TJP1: variants seen among roughly 807,000 people sequenced by gnomAD.
TJP1 encodes the protein tight junction protein ZO-1.
In TJP1, 43 loss-of-function variants were observed where a neutral mutation model predicts 194.2. The ratio of observed to expected loss-of-function variants is 0.22; its 90% CI spans 0.17 to 0.29. The LOEUF (loss-of-function observed/expected upper bound fraction) is 0.29. Among genes scored for constraint, TJP1 ranks in the 10% least tolerant of loss-of-function variants. The pLI is 1.00. For synonymous variants in TJP1, 801 were observed against 779.0 expected, an observed-to-expected ratio of 1.03 and a Z score of -0.47; for missense variants, 1,971 against 2,185.7, an observed-to-expected ratio of 0.90 and a Z score of 1.96.
chr15:29,928,055 T>G (rs2054579999), intron 2 of TJP1, among the ~76,000 whole-genome samples: 1 of 151,920 alleles, frequency 6.6e-6, no homozygotes, highest in African/African-American at 2.4e-5. Context: ...TTACATTTTT[T>G]CAATCTTTAG....
At chr15:29,705,857 G>A (rs41280056) in intron 25 of TJP1, 112 bp from the exon 26 acceptor site, 69,090 of 874,254 alleles carry the variant, frequency 0.079, 2,995 homozygotes, top group African/African-American at 0.098. Context: ...TAATCAAGAA[G>A]TTACTTTAAC....
intron 2 of TJP1, among the ~76,000 whole-genome samples, chr15:29,888,136 T>G (rs2053182410): frequency 6.6e-6 from 1 of 152,078 alleles, no homozygotes; most frequent in Admixed American, 6.5e-5. Context: ...AATAAAATGT[T>G]AAAGAAAAAA....
intron 2 of TJP1, among the ~76,000 whole-genome samples, chr15:29,782,625 A>G (rs1555415066): frequency 6.6e-6 from 1 of 152,194 alleles, no homozygotes; most frequent in Non-Finnish European, 1.5e-5. Flanking sequence ...CATTCTGGAC[A>G]TAGGAACTGG....
chr15:29,871,718 G>C (rs1005587438), intron 2 of TJP1, among the ~76,000 whole-genome samples: 1 of 152,194 alleles, frequency 6.6e-6, no homozygotes, highest in Non-Finnish European at 1.5e-5. Context: ...TAACGTCATC[G>C]GACTGCAGCC....
At chr15:29,722,083 G>A (rs559026965) in intron 18 of TJP1, among the ~76,000 whole-genome samples, 2 of 152,342 alleles carry the variant, frequency 1.3e-5, no homozygotes, top group African/African-American at 4.8e-5. Context: ...TGGAAAATTT[G>A]CAGCCTGGCT....
intron 15 of TJP1, chr15:29,728,228 A>G (rs2043366255): frequency 2.2e-6 from 1 of 446,782 alleles, no homozygotes; most frequent in Non-Finnish European, 4.0e-6. Flanking sequence ...AATATTCTGG[A>G]AAAAAACTTA....
chr15:29,710,308 G>A (rs1337506859), intron 24 of TJP1, among the ~76,000 whole-genome samples: 1 of 152,148 alleles, frequency 6.6e-6, no homozygotes. Context: ...GCCCAAGGAG[G>A]TGCCTCCTAA....
At position 29,955,207 on chromosome 15, in the gene TJP1, C is replaced by T. The variant is rs190673676; in HGVS notation, c.306+1025G>A. ...TTGATGTCATTTTTTGAAACAATGG[C>T]CGATGGTACCTTTATCATTCAAAAT... On this transcript the variant is annotated intron_variant, in intron 2 of 28. Coordinates refer to the TJP1 transcript ENST00000356107. Among the ~76,000 whole-genome samples, 8 of 152,098 alleles carry T rather than the reference C, an allele frequency of 5.3e-5. No individual in the cohort carries two copies. The East Asian group carries it at 1.5e-3, about 29-fold the overall frequency.
chr15:29,899,856 C>A (rs1235690531), intron 2 of TJP1, among the ~76,000 whole-genome samples: 4 of 152,132 alleles, frequency 2.6e-5, no homozygotes, highest in Non-Finnish European at 5.9e-5. Context: ...TTAATTTATT[C>A]AGGAAATATT....
intron 2 of TJP1, among the ~76,000 whole-genome samples, chr15:29,900,606 A>C (rs1457832029): frequency 3.9e-5 from 6 of 152,162 alleles, no homozygotes; most frequent in South Asian, 2.1e-4. Flanking sequence ...GGATGACCCC[A>C]AGGTTTCTGG....
intron 2 of TJP1, among the ~76,000 whole-genome samples, chr15:29,905,800 A>C (rs2053788759): frequency 6.6e-6 from 1 of 152,234 alleles, no homozygotes; most frequent in African/African-American, 2.4e-5. Flanking sequence ...CAACTATCTG[A>C]CATTCTGGAA....
chr15:29,889,407 A>G (rs563858395), intron 2 of TJP1, among the ~76,000 whole-genome samples: 1 of 152,380 alleles, frequency 6.6e-6, no homozygotes, highest in African/African-American at 2.4e-5. Flanking sequence ...TAAATGTCTG[A>G]GGGAAATCTA....
At chr15:29,710,225 A>T (rs1263210666) in intron 24 of TJP1, among the ~76,000 whole-genome samples, 2 of 152,270 alleles carry the variant, frequency 1.3e-5, no homozygotes, top group African/African-American at 4.8e-5. Flanking sequence ...AAACATGGGC[A>T]TGTGTGAAAA....
At chr15:29,789,198 C>T (rs893636302) in intron 2 of TJP1, among the ~76,000 whole-genome samples, 5 of 151,958 alleles carry the variant, frequency 3.3e-5, no homozygotes, top group South Asian at 2.1e-4. Flanking sequence ...TGCTACTGGG[C>T]GGTGCTGTTG....
At chr15:29,907,577 T>C (rs910446598) in intron 2 of TJP1, among the ~76,000 whole-genome samples, 1 of 152,158 alleles carries the variant, frequency 6.6e-6, no homozygotes, top group Non-Finnish European at 1.5e-5. Flanking sequence ...ATTTCTACAA[T>C]AAACATGTTT....
chr15:29,725,374 G>C (rs1344812498), intron 18 of TJP1, among the ~76,000 whole-genome samples: 1 of 152,152 alleles, frequency 6.6e-6, no homozygotes, highest in Non-Finnish European at 1.5e-5. Context: ...GAGGACATGG[G>C]GGGTCCTAAG....
intron 1 of TJP1, among the ~76,000 whole-genome samples, chr15:29,818,785 G>C (rs2050119259): frequency 6.7e-6 from 1 of 149,758 alleles, no homozygotes; most frequent in South Asian, 2.1e-4. Context: ...CAAAGTGCTG[G>C]GATTACACCG....
intron 2 of TJP1, among the ~76,000 whole-genome samples, chr15:29,830,430 A>ATATATAAATTGTATATAATATAT (rs2050802894): frequency 6.6e-6 from 1 of 150,378 alleles, no homozygotes; most frequent in Non-Finnish European, 1.5e-5. Flanking sequence ...AATTTATATG[A>ATATATAAATTGTATATAATATAT]ACATTACCAT....
chr15:29,702,538 G>T (rs1476582307), intron 27 of TJP1, among the ~76,000 whole-genome samples: 1 of 152,156 alleles, frequency 6.6e-6, no homozygotes, highest in African/African-American at 2.4e-5. Context: ...GACATCTGGA[G>T]ACAGTTTTGC....
Sources: allele counts gnomAD v4.1 joint callset (sites outside exome capture counted in the v4.1 genomes callset), GRCh38; gene constraint gnomAD v4.1.1; transcripts MANE v1.5; gene names NCBI Gene and HGNC (gene_info 2026-07-23, HGNC 2026-07-21).